Variants in SPSB1 observed in about 807,000 individuals in gnomAD.
SPSB1 encodes SPRY domain-containing SOCS box protein 1.
Under a neutral mutation model 21.2 loss-of-function variants are expected in SPSB1, and 8 were observed. That is an observed-to-expected ratio of 0.38 (90% CI 0.22 to 0.68). The LOEUF is 0.68. Among genes scored for constraint, SPSB1 ranks in the 30% least tolerant of loss-of-function variants. SPSB1 has a pLI of 0.53. For missense variants in SPSB1, 242 were observed against 377.8 expected (o/e 0.64, Z 2.98); for synonymous variants, 169 against 161.7 (o/e 1.05, Z -0.34).
At chr1:9,323,863 G>A (rs1443501008) in intron 1 of SPSB1, among the ~76,000 whole-genome samples, 2 of 152,176 alleles carry the variant, frequency 1.3e-5, no homozygotes, top group Non-Finnish European at 2.9e-5. Context: ...GTGGGACCTT[G>A]GAACCCGAGC....
chr1:9,310,612 T>C (rs185903370), intron 1 of SPSB1, among the ~76,000 whole-genome samples: 705 of 152,048 alleles, frequency 4.6e-3, no homozygotes, highest in Non-Finnish European at 7.9e-3. Context: ...GGAGGATCAC[T>C]TGAGTTTGGG....
chr1:9,328,087 T>C (rs1639845862), intron 1 of SPSB1, among the ~76,000 whole-genome samples: 1 of 152,218 alleles, frequency 6.6e-6, no homozygotes, highest in Non-Finnish European at 1.5e-5. Flanking sequence ...GAGCAGGTGA[T>C]GAACAGCCCC....
chr1:9,345,683 G>C lies in SPSB1; in HGVS notation c.-149-10060G>C, dbSNP rs1469679320. On this transcript the variant is annotated intron_variant, in intron 1 of 2. Coordinates refer to ENST00000328089, the MANE Select transcript of SPSB1 (RefSeq NM_025106.4). The surrounding 1 kb of genome is among the most constrained non-coding windows in gnomAD (Gnocchi z 4.8). ...CTGATTCGAGCCCTCTGAAAGTGCT[G>C]TGAGTCATCTGGGCCCTTCCATAGG... Among the ~76,000 whole-genome samples the C allele has an allele frequency of 6.6e-6, 1 of 152,210 alleles. No homozygotes were observed. The highest frequency in any genetic ancestry group is 1.5e-5 in the Non-Finnish European group (1 of 68,040).
intron 2 of SPSB1, among the ~76,000 whole-genome samples, chr1:9,360,438 C>T (rs539192093): frequency 3.0e-4 from 46 of 152,198 alleles, no homozygotes; most frequent in Non-Finnish European, 4.0e-4. Flanking sequence ...GTATTCGTCT[C>T]CTGGAGCTGC....
chr1:9,326,646 G>A (rs79868898), intron 1 of SPSB1, among the ~76,000 whole-genome samples: 3,629 of 152,278 alleles, frequency 0.024, 95 homozygotes, highest in African/African-American at 0.063. Context: ...CCTGTGCCCC[G>A]TCCCAGAAAG....
Position 9,367,897 on chromosome 1 carries a change from G to C in SPSB1, c.*322G>C, listed in dbSNP as rs1269114227. 3.5e-6 allele frequency: 1 copy of C among 287,252 alleles called. No individual in the cohort carries two copies. The highest frequency in any genetic ancestry group is 6.6e-6 in the Non-Finnish European group (1 of 150,650). 17.8% of individuals were successfully genotyped at this position (287,252 alleles called of 1,614,324 possible). On this transcript the variant is annotated 3_prime_UTR_variant, in exon 3 of 3. Transcript: ENST00000328089. This position sits in a 1 kb window ranked among gnomAD's most constrained non-coding sequence, Gnocchi z 5.9. ...GCTCCAATCTGCTCGGGGTGGGACG[G>C]GTGCTTCCCACACCTCTGGGAGAAG...
In SPSB1 at chr1:9,356,357, C is replaced by G; in HGVS notation, c.466C>G (p.Gln156Glu). The G allele has an allele frequency of 6.2e-7, 1 of 1,614,116 alleles. No homozygotes were observed. The highest frequency in any genetic ancestry group is 8.5e-7 in the Non-Finnish European group (1 of 1,180,038). Residue 156 changes from glutamine (Q) to glutamate (E), a missense_variant, in exon 2 of 3, where the codon CAG (glutamine) becomes GAG (glutamate). By Grantham distance (29) the Gln-to-Glu change is conservative. Transcript: ENST00000328089. This position sits in a 1 kb window ranked among gnomAD's most constrained non-coding sequence, Gnocchi z 7.4. ...RNRLYHDGKN[Q>E]PSKTYPAFLE... ...CCGGCTCTACCACGATGGCAAGAAC[C>G]AGCCAAGCAAAACATACCCAGCCTT... is the stretch of plus-strand genomic sequence containing the variant.
At chr1:9,340,461 G>T (rs975890281) in intron 1 of SPSB1, among the ~76,000 whole-genome samples, 6 of 152,234 alleles carry the variant, frequency 3.9e-5, no homozygotes, top group African/African-American at 1.4e-4. Flanking sequence ...GGTTTGTTTT[G>T]TTGGCAGGTC....
intron 1 of SPSB1, among the ~76,000 whole-genome samples, chr1:9,301,605 A>C (rs1217944427): frequency 6.6e-6 from 1 of 152,208 alleles, no homozygotes; most frequent in Non-Finnish European, 1.5e-5. Context: ...GTATGTGGGT[A>C]GGATGACCTA....
intron 1 of SPSB1, among the ~76,000 whole-genome samples, chr1:9,336,642 G>C (rs528949250): frequency 6.6e-6 from 1 of 152,318 alleles, no homozygotes; most frequent in Admixed American, 6.5e-5. Context: ...GCAGGAGGCC[G>C]CTGCCTGAGT....
At chr1:9,366,101 C>T (rs1438008753) in intron 2 of SPSB1, among the ~76,000 whole-genome samples, 1 of 152,234 alleles carries the variant, frequency 6.6e-6, no homozygotes, top group Non-Finnish European at 1.5e-5. Context: ...GAAGGCAAGG[C>T]TGGGCGCTCT....
chr1:9,308,990 C>T lies in SPSB1; in HGVS notation c.-150+15919C>T, dbSNP rs183452987. 1.8e-3 allele frequency among the ~76,000 whole-genome samples: 278 copies of T among 152,048 alleles called. 1 individual carries two copies. The highest frequency in any genetic ancestry group is 6.5e-3 in the African/African-American group (269 of 41,470). On this transcript the variant is annotated intron_variant, in intron 1 of 2. Coordinates refer to ENST00000328089, the MANE Select transcript of SPSB1 (RefSeq NM_025106.4). ...TGCCAGGGGCTGGGCGGGCACCAGG[C>T]CTGCGTGGGTACAGAGGGCCTCCTG...
rs1639728191 is a variant in SPSB1 at position 9,321,946 on chromosome 1, C to T, written c.-150+28875C>T. 6.6e-6 allele frequency among the ~76,000 whole-genome samples: 1 copy of T among 152,170 alleles called. No homozygotes were observed. The highest frequency in any genetic ancestry group is 1.5e-5 in the Non-Finnish European group (1 of 68,038). On this transcript the variant is annotated intron_variant, in intron 1 of 2. Transcript: ENST00000328089. This position sits in a 1 kb window ranked among gnomAD's most constrained non-coding sequence, Gnocchi z 4.8. ...ACGAGTGATCCTGCTCTGGGCTCTC[C>T]AGTCACCTCTAACCCTGTGGGGGAC...
chr1:9,342,361 G>T (rs2100502649), intron 1 of SPSB1, among the ~76,000 whole-genome samples: 2 of 152,314 alleles, frequency 1.3e-5, no homozygotes, highest in Non-Finnish European at 2.9e-5. Flanking sequence ...ATCAGCCTGG[G>T]GCACCCCTAG....
chr1:9,306,924 TTTCTTC>T (rs386628324), intron 1 of SPSB1, among the ~76,000 whole-genome samples: 17 of 28,168 alleles, frequency 6.0e-4, no homozygotes, highest in Admixed American at 3.4e-4. Flanking sequence ...CTTTTCTTCT[TTTCTTC>T]TTTTTTTTTT....
intron 1 of SPSB1, among the ~76,000 whole-genome samples, chr1:9,299,500 T>C (rs1639290102): frequency 6.6e-6 from 1 of 151,856 alleles, no homozygotes; most frequent in South Asian, 2.1e-4. Flanking sequence ...TTTTTTGAGA[T>C]GGATTTTTTG....
chr1:9,348,794 C>T lies in SPSB1; in HGVS notation c.-149-6949C>T, dbSNP rs916725667. Among the ~76,000 whole-genome samples, 1 of 152,124 alleles carries T rather than the reference C, an allele frequency of 6.6e-6. No homozygotes were observed. The highest frequency in any genetic ancestry group is 2.4e-5 in the African/African-American group (1 of 41,422). The stretch of plus-strand genomic sequence containing the variant: ...CATCTGCTTAGAGCCCAGGCTGCCA[C>T]CGAGAAATCCAGTAGGGTCACGCGG... On this transcript the variant is annotated intron_variant, in intron 1 of 2. Coordinates refer to ENST00000328089, the MANE Select transcript of SPSB1 (RefSeq NM_025106.4). This position sits in a 1 kb window ranked among gnomAD's most constrained non-coding sequence, Gnocchi z 4.8.
At chr1:9,339,973 C>A (rs369979219) in intron 1 of SPSB1, among the ~76,000 whole-genome samples, 2 of 149,300 alleles carry the variant, frequency 1.3e-5, no homozygotes, top group South Asian at 2.1e-4. Flanking sequence ...TCCAGCCCCC[C>A]ACCTCGGGAG....
intron 1 of SPSB1, among the ~76,000 whole-genome samples, chr1:9,350,459 G>A (rs983994133): frequency 3.9e-5 from 6 of 152,230 alleles, no homozygotes; most frequent in Non-Finnish European, 7.3e-5. Flanking sequence ...TTTCACTAAG[G>A]GAATGGAGAG....
Sources: gnomAD v4.1 joint callset for allele counts (sites outside exome capture counted in the v4.1 genomes callset) on GRCh38, gnomAD v4.1.1 for gene constraint, Gnocchi (gnomAD v3.1) non-coding constraint, MANE v1.5 for transcripts, NCBI Gene and HGNC (gene_info 2026-07-23, HGNC 2026-07-21) for gene names.